The following SEMA3A variants were observed in gnomAD, a reference collection of about 807,000 sequenced individuals.
SEMA3A encodes semaphorin-3A.
A neutral mutation model predicts 97.9 loss-of-function variants in SEMA3A; 29 were observed. The observed-to-expected ratio is 0.30, with a 90% CI of 0.22 to 0.40. The LOEUF is 0.40. Among genes scored for constraint, SEMA3A ranks in the 10% least tolerant of loss-of-function variants. SEMA3A has a pLI of 1.00. For synonymous variants in SEMA3A, 321 were observed against 323.7 expected, an observed-to-expected ratio of 0.99 and a Z score of 0.09; for missense variants, 763 against 951.3, an observed-to-expected ratio of 0.80 and a Z score of 2.60.
chr7:84,234,856 T>C (rs1989963), intron 3 of SEMA3A, among the ~76,000 whole-genome samples: 96,474 of 151,830 alleles, frequency 0.64, 31,096 homozygotes, highest in East Asian at 0.75. Flanking sequence ...GGGTAATCTT[T>C]TGTAGTTTCA....
At chr7:84,202,222 A>C (rs1296261534) in intron 3 of SEMA3A, among the ~76,000 whole-genome samples, 1 of 152,140 alleles carries the variant, frequency 6.6e-6, no homozygotes, top group Non-Finnish European at 1.5e-5. Flanking sequence ...AGTGAATGTA[A>C]AGTGTTCTCA....
At chr7:84,064,022 A>G (rs917838788) in intron 4 of SEMA3A, among the ~76,000 whole-genome samples, 1 of 152,002 alleles carries the variant, frequency 6.6e-6, no homozygotes, top group African/African-American at 2.4e-5. Context: ...CCAGAGAGAA[A>G]GGTCGGGTTA....
intron 2 of SEMA3A, among the ~76,000 whole-genome samples, chr7:84,351,187 C>G (rs1321492878): frequency 6.6e-6 from 1 of 151,912 alleles, no homozygotes; most frequent in African/African-American, 2.4e-5. Context: ...TATATAAAGT[C>G]AATGCCAACA....
chr7:84,174,906 G>A (rs954645110), intron 1 of SEMA3A, among the ~76,000 whole-genome samples: 1 of 152,116 alleles, frequency 6.6e-6, no homozygotes, highest in African/African-American at 2.4e-5. Flanking sequence ...TTTCTAAAAT[G>A]TTTAGCATCT....
chr7:84,412,253 C>A (rs1476426458), intron 1 of SEMA3A, among the ~76,000 whole-genome samples: 1 of 152,138 alleles, frequency 6.6e-6, no homozygotes, highest in Admixed American at 6.5e-5. Context: ...CAAGCAGGGT[C>A]AGATTGGTTA....
intron 1 of SEMA3A, among the ~76,000 whole-genome samples, chr7:84,377,288 A>G (rs558869238): frequency 2.0e-5 from 3 of 152,064 alleles, no homozygotes; most frequent in Non-Finnish European, 2.9e-5. Context: ...CCTTTCCCCA[A>G]TTAATGCTCT....
chr7:84,480,397 G>A (rs569053838), intron 1 of SEMA3A, among the ~76,000 whole-genome samples: 147 of 152,292 alleles, frequency 9.7e-4, no homozygotes, highest in Non-Finnish European at 1.6e-3. Context: ...TTTTAAAACT[G>A]CTCGTAGGGA....
chr7:84,042,193 C>A (rs560781777), intron 6 of SEMA3A, among the ~76,000 whole-genome samples: 1 of 152,104 alleles, frequency 6.6e-6, no homozygotes, highest in Non-Finnish European at 1.5e-5. Flanking sequence ...ACGCTGATTC[C>A]AATAAGGGCA....
chr7:84,354,157 C>A (rs568101441), intron 2 of SEMA3A, among the ~76,000 whole-genome samples: 1 of 151,524 alleles, frequency 6.6e-6, no homozygotes, highest in African/African-American at 2.4e-5. Context: ...CTACAGATTT[C>A]TTGGACATTA....
rs1584276505 is a variant in SEMA3A, at chr7:84,379,135, G to C, written c.-245-7235C>G. 1.3e-5 allele frequency among the ~76,000 whole-genome samples: 2 copies of C among 151,996 alleles called. 1 individual carries two copies. Among genetic ancestry groups the C allele is most frequent in the South Asian group, 4.1e-4 (2 of 4,822 alleles). Reference sequence around the variant, plus strand: ...GTAGAGACAGGGTTTCACCGTGTTAGCCAGGATAGTCTCGATCTCCTGACC... The same window carrying C: ...GTAGAGACAGGGTTTCACCGTGTTACCCAGGATAGTCTCGATCTCCTGACC... On this transcript the variant is annotated intron_variant, in intron 1 of 3. Coordinates refer to the SEMA3A transcript ENST00000424555.
intron 14 of SEMA3A, among the ~76,000 whole-genome samples, chr7:83,980,825 A>AT (rs1475659760): frequency 6.6e-6 from 1 of 151,800 alleles, no homozygotes; most frequent in African/African-American, 2.4e-5. Flanking sequence ...AAATAGACGT[A>AT]TTTTGTGATG....
intron 1 of SEMA3A, among the ~76,000 whole-genome samples, chr7:84,445,147 A>G (rs1805377072): frequency 6.6e-6 from 1 of 152,114 alleles, no homozygotes. Context: ...TTTTCCATGA[A>G]CATTCTGAAG....
intron 3 of SEMA3A, among the ~76,000 whole-genome samples, chr7:84,288,013 T>C (rs1040391839): frequency 6.6e-6 from 1 of 152,220 alleles, no homozygotes; most frequent in Non-Finnish European, 1.5e-5. Flanking sequence ...CACATGTAGA[T>C]ACAATGTGTA....
chr7:84,272,933 T>C (rs1245309492), intron 3 of SEMA3A, among the ~76,000 whole-genome samples: 1 of 152,160 alleles, frequency 6.6e-6, no homozygotes, highest in Non-Finnish European at 1.5e-5. Context: ...GATAATTTCC[T>C]ACATTATACT....
In SEMA3A at chr7:84,060,298, C is replaced by T. The variant is rs2527039; in HGVS notation, c.547+167G>A. ...CTAGTTGGTGCAATAAGCAAAATAG[C>T]ATTTAGTGTTTCTTCTTCATTTTCA... On this transcript the variant is annotated intron_variant, in intron 5 of 16. Coordinates refer to ENST00000265362, the MANE Select transcript of SEMA3A (RefSeq NM_006080.3). Among the ~76,000 whole-genome samples, 43,360 of 152,008 alleles carry T rather than the reference C, an allele frequency of 0.29. 6,624 individuals carry two copies. The highest frequency in any genetic ancestry group is 0.39 in the African/African-American group (16,236 of 41,468).
intron 2 of SEMA3A, among the ~76,000 whole-genome samples, chr7:84,333,847 T>C (rs1801965151): frequency 6.6e-6 from 1 of 152,204 alleles, no homozygotes; most frequent in South Asian, 2.1e-4. Context: ...TATTTTTAAA[T>C]TTTAAAGGGA....
chr7:84,110,924 G>C (rs1043170441), intron 3 of SEMA3A, among the ~76,000 whole-genome samples: 6 of 151,864 alleles, frequency 4.0e-5, no homozygotes, highest in Admixed American at 1.3e-4. Context: ...CCAGAAATGA[G>C]GAGAGCACCA....
intron 2 of SEMA3A, among the ~76,000 whole-genome samples, chr7:84,355,396 G>A (rs1258853854): frequency 6.6e-6 from 1 of 151,796 alleles, no homozygotes; most frequent in African/African-American, 2.4e-5. Context: ...TACACCCACT[G>A]AGTCTTCAGT....
chr7:84,063,853 T>C (rs1189627790), intron 4 of SEMA3A, among the ~76,000 whole-genome samples: 1 of 149,598 alleles, frequency 6.7e-6, no homozygotes, highest in East Asian at 2.0e-4. Flanking sequence ...CTGCAGGATA[T>C]TATCCAGGAG....
Sources: allele counts gnomAD v4.1 joint callset (sites outside exome capture counted in the v4.1 genomes callset), GRCh38; gene constraint gnomAD v4.1.1; transcripts MANE v1.5; gene names NCBI Gene and HGNC (gene_info 2026-07-23, HGNC 2026-07-21).